The following PCLO variants were observed in gnomAD, a reference collection of about 807,000 sequenced individuals.
PCLO encodes protein piccolo.
PCLO carries 82 observed loss-of-function variants against 427.5 expected under a neutral mutation model. That is an observed-to-expected ratio of 0.19 (90% CI 0.16 to 0.23). PCLO has a LOEUF of 0.23. PCLO is among the 10% of genes least tolerant of loss of function. The pLI is 1.00. For synonymous variants in PCLO, 2,357 were observed against 2,155.4 expected, an observed-to-expected ratio of 1.09 and a Z score of -2.59; for missense variants, 6,239 against 6,115.9, an observed-to-expected ratio of 1.02 and a Z score of -0.67.
At position 83,155,486 on chromosome 7, in the gene PCLO, C is replaced by A. The variant is rs201053334; in HGVS notation, c.1155G>T (p.Gln385His). ...GCTGAGCTAAAGCCTTTGGCCCAGG[C>A]TGCTCCGATGAAGGCTTCTCTGACC... ...QTGSEKPSSE[Q>H]PGPKALAQPP... is the part of the protein sequence containing the mutation. The change falls in exon 2 of 25, where the codon CAG becomes CAT. Residue 385 changes from glutamine (Q) to histidine (H), a missense_variant. Around this residue, in one of 5 missense-constraint regions of PCLO, gnomAD observed 4,677 missense variants for 4,468.4 expected, o/e 1.05. Coordinates refer to ENST00000333891, the MANE Select transcript of PCLO (RefSeq NM_033026.6). The A allele has an allele frequency of 7.7e-5, 119 of 1,553,278 alleles. No individual in the cohort carries two copies. The highest frequency in any genetic ancestry group is 2.0e-5 in the Admixed American group (1 of 49,952).
chr7:83,137,470 G>A (rs1012151857), intron 2 of PCLO, among the ~76,000 whole-genome samples: 4 of 152,090 alleles, frequency 2.6e-5, no homozygotes, highest in South Asian at 2.1e-4. Context: ...TCGCTCTGTC[G>A]CCCAGGCTGG....
At chr7:83,061,607 T>C (rs1047863843) in intron 3 of PCLO, among the ~76,000 whole-genome samples, 1 of 152,180 alleles carries the variant, frequency 6.6e-6, no homozygotes. Context: ...ACAAGTGGAC[T>C]GGTTAACTAC....
chr7:82,783,483 A>G (rs1442050722), intron 22 of PCLO, among the ~76,000 whole-genome samples: 1 of 152,034 alleles, frequency 6.6e-6, no homozygotes, highest in Non-Finnish European at 1.5e-5. Flanking sequence ...TTAGCCGGGC[A>G]TGGTGGCGGG....
chr7:82,980,703 A>C (rs1322618294), intron 3 of PCLO, among the ~76,000 whole-genome samples: 1 of 152,166 alleles, frequency 6.6e-6, no homozygotes, highest in East Asian at 1.9e-4. Context: ...TGCACTGTGG[A>C]GGTTACAAGC....
chr7:83,144,802 TC>T (rs1268579567), intron 2 of PCLO, among the ~76,000 whole-genome samples: 1 of 152,164 alleles, frequency 6.6e-6, no homozygotes, highest in Non-Finnish European at 1.5e-5. Context: ...TTAAAAATTT[TC>T]CCCAAAAATA....
At chr7:82,971,713 A>G (rs1280284920) in intron 3 of PCLO, among the ~76,000 whole-genome samples, 1 of 148,624 alleles carries the variant, frequency 6.7e-6, no homozygotes, top group Non-Finnish European at 1.5e-5. Context: ...AAAGTAATGG[A>G]AAAAGCCACA....
chr7:82,926,620 G>A (rs569707234), intron 6 of PCLO, among the ~76,000 whole-genome samples: 15 of 152,184 alleles, frequency 9.9e-5, no homozygotes, highest in African/African-American at 3.6e-4. Flanking sequence ...TGCGCCTCTT[G>A]TCCCAGTTTG....
At chr7:83,112,663 C>T (rs542822341) in intron 3 of PCLO, among the ~76,000 whole-genome samples, 1 of 152,276 alleles carries the variant, frequency 6.6e-6, no homozygotes, top group South Asian at 2.1e-4. Context: ...TATGACAAAA[C>T]TTCTCTCCAG....
At chr7:82,914,070 A>C (rs1794386168) in intron 7 of PCLO, among the ~76,000 whole-genome samples, 1 of 152,068 alleles carries the variant, frequency 6.6e-6, no homozygotes, top group African/African-American at 2.4e-5. Flanking sequence ...ATTTGTAAAT[A>C]ATAGTATTCA....
At chr7:83,004,036 T>C (rs757617992) in intron 3 of PCLO, among the ~76,000 whole-genome samples, 8 of 151,746 alleles carry the variant, frequency 5.3e-5, no homozygotes, top group Non-Finnish European at 1.0e-4. Flanking sequence ...CTTATTTGTA[T>C]GCTCATAATT....
chr7:82,952,698 A>G lies in PCLO; in HGVS notation c.8255T>C (p.Met2752Thr). Reference protein sequence around the residue: ...DKCIDLSASTMDVKRQITANE... With the variant: ...DKCIDLSASTTDVKRQITANE... ...TGCTGTGATCTGCCTTTTCACATCC[A>G]TTGTAGAAGCAGAAAGATCAATACA... The change falls in exon 5 of 25, where the codon ATG (methionine) becomes ACG (threonine). Residue 2752 changes from methionine to threonine, a missense_variant. Physicochemically the swap from Met to Thr is moderately conservative, Grantham distance 81. Transcript: ENST00000333891. 6.2e-7 allele frequency: 1 copy of G among 1,613,892 alleles called. No individual in the cohort carries two copies. The highest frequency in any genetic ancestry group is 2.2e-5 in the East Asian group (1 of 44,854).
At chr7:82,774,577 T>G (rs556266715) in intron 22 of PCLO, among the ~76,000 whole-genome samples, 10 of 152,216 alleles carry the variant, frequency 6.6e-5, no homozygotes, top group Non-Finnish European at 1.2e-4. Context: ...TAATAATTTT[T>G]TTAAAGATTG....
At chr7:83,006,280 C>T (rs777477460) in intron 3 of PCLO, among the ~76,000 whole-genome samples, 4 of 151,596 alleles carry the variant, frequency 2.6e-5, no homozygotes, top group Non-Finnish European at 5.9e-5. Context: ...CTTTAATCCA[C>T]AGAATGTGGC....
At chr7:82,823,549 G>A (rs1205822441) in intron 19 of PCLO, among the ~76,000 whole-genome samples, 2 of 152,168 alleles carry the variant, frequency 1.3e-5, no homozygotes, top group African/African-American at 4.8e-5. Flanking sequence ...TTAATGTTGT[G>A]TTGTAGGACA....
rs537745628 is a variant in PCLO at position 83,057,577 on chromosome 7, G to A, written c.3300+76673C>T. On this transcript the variant is annotated intron_variant, in intron 3 of 24. Transcript: ENST00000333891. ...GGAGTTTCACTATGTTAGCCAGGAT[G>A]GTCTCGATCTCCTGACCTCGTGATC... is the stretch of plus-strand genomic sequence containing the variant. Among the ~76,000 whole-genome samples the A allele has an allele frequency of 1.5e-4, 23 of 149,930 alleles. No homozygotes were observed. The South Asian group carries it at 4.7e-3, about 30-fold the overall frequency.
chr7:82,956,997 C>T (rs529120318), intron 4 of PCLO, 62 bp from the exon 5 acceptor site: 2 of 1,427,562 alleles, frequency 1.4e-6, no homozygotes, highest in South Asian at 3.3e-5. Flanking sequence ...CATGGCCTCT[C>T]CATTACTACC....
rs1791353602 is a variant in PCLO, at chr7:82,801,573, A to G, written c.14952T>C (p.Asn4984=). Residue 4984 remains asparagine (N), a synonymous_variant, in exon 22 of 25, where the codon AAT becomes AAC. Transcript: ENST00000333891. ...CTGGCTGTTTTACAGGCTCTTGTCC[A>G]TTCTGTCCCATCTTCCCTCTGTTTA... ...PIPRIGKMGQ[N]GQEPVKQPGV... 3 of 1,585,474 alleles carry G rather than the reference A, an allele frequency of 1.9e-6. No homozygotes were observed. The East Asian group carries it at 6.7e-5, about 36-fold the overall frequency.
At chr7:83,058,626 C>A (rs1379038066) in intron 3 of PCLO, among the ~76,000 whole-genome samples, 1 of 151,944 alleles carries the variant, frequency 6.6e-6, no homozygotes, top group Non-Finnish European at 1.5e-5. Context: ...AAGAATATTG[C>A]CTAAATTAAC....
chr7:82,783,481 G>A (rs937680542), intron 22 of PCLO, among the ~76,000 whole-genome samples: 15 of 152,046 alleles, frequency 9.9e-5, no homozygotes, highest in African/African-American at 3.1e-4. Context: ...AATTAGCCGG[G>A]CATGGTGGCG....
Sources: gnomAD v4.1 joint callset for allele counts (sites outside exome capture counted in the v4.1 genomes callset) on GRCh38, gnomAD v4.1.1 for gene constraint, gnomAD v4.1.1 regional missense constraint, MANE v1.5 for transcripts, NCBI Gene and HGNC (gene_info 2026-07-23, HGNC 2026-07-21) for gene names.